ARL8B: variants seen among roughly 807,000 people sequenced by gnomAD.
ARL8B encodes the protein ADP-ribosylation factor-like protein 8B.
A neutral mutation model predicts 30.6 loss-of-function variants in ARL8B; 9 were observed. The ratio of observed to expected loss-of-function variants is 0.29; its 90% CI spans 0.18 to 0.51. The LOEUF (loss-of-function observed/expected upper bound fraction) is 0.51, where lower values mean the gene tolerates loss of function less well. ARL8B is among the 20% of genes least tolerant of loss of function. The pLI, the probability that ARL8B is intolerant of heterozygous loss-of-function variation, is 0.97. For synonymous variants in ARL8B, 74 were observed against 76.0 expected (o/e 0.97, Z 0.14); for missense variants, 130 against 227.2 (o/e 0.57, Z 2.75).
chr3:5,151,730 C>CT (rs56980080), intron 1 of ARL8B, among the ~76,000 whole-genome samples: 19,754 of 131,536 alleles, frequency 0.15, 1,531 homozygotes, highest in African/African-American at 0.17. Flanking sequence ...CACCCCCCCC[C>CT]TTGGAGATAG....
intron 1 of ARL8B, among the ~76,000 whole-genome samples, chr3:5,150,387 CA>C (rs1408979753): frequency 6.6e-6 from 1 of 150,968 alleles, no homozygotes; most frequent in Non-Finnish European, 1.5e-5. Context: ...TGCTTGAACC[CA>C]GGAGGCAGAG....
At chr3:5,142,910 C>A (rs553943599) in intron 1 of ARL8B, among the ~76,000 whole-genome samples, 2 of 152,176 alleles carry the variant, frequency 1.3e-5, no homozygotes, top group African/African-American at 4.8e-5. Flanking sequence ...AGTTATTTGG[C>A]AAGGAGCCCT....
rs1464910435 is a variant in ARL8B at position 5,172,627 on chromosome 3, G to A, written c.279-20G>A. 5.2e-6 allele frequency: 8 copies of A among 1,552,594 alleles called. No homozygotes were observed. The highest frequency in any genetic ancestry group is 6.2e-6 in the Non-Finnish European group (7 of 1,126,160). On this transcript the variant is annotated intron_variant, in intron 3 of 6. Coordinates refer to ENST00000256496, the MANE Select transcript of ARL8B (RefSeq NM_018184.3). ...AAGGCATACAGAGAAGGTATGTTGA[G>A]ATCACTTCATTTTTTTAAGTTACAT... is the stretch of plus-strand genomic sequence containing the variant.
At chr3:5,145,081 A>C (rs985222607) in intron 1 of ARL8B, among the ~76,000 whole-genome samples, 3 of 123,130 alleles carry the variant, frequency 2.4e-5, no homozygotes, top group South Asian at 2.3e-4. Flanking sequence ...CATAACCATT[A>C]TCTCTCTTTG....
intron 1 of ARL8B, among the ~76,000 whole-genome samples, chr3:5,153,441 G>T (rs1259267335): frequency 6.6e-6 from 1 of 152,016 alleles, no homozygotes; most frequent in Non-Finnish European, 1.5e-5. Context: ...AGAGTGACTT[G>T]CTCCTGCTTG....
intron 1 of ARL8B, among the ~76,000 whole-genome samples, chr3:5,137,233 G>A (rs2054334977): frequency 6.6e-6 from 1 of 151,996 alleles, no homozygotes; most frequent in African/African-American, 2.4e-5. Context: ...GACTGGCATA[G>A]AATGAGTACT....
chr3:5,163,470 A>G lies in ARL8B; in HGVS notation c.124-7033A>G, dbSNP rs2054598838. The stretch of plus-strand genomic sequence containing the variant: ...ATTATTGATCTTTGCAAAATTATTT[A>G]AGGATTGTCCATAGTGTTCTGAAAT... On this transcript the variant is annotated intron_variant, in intron 1 of 6. Transcript: ENST00000256496. Among the ~76,000 whole-genome samples, 3 of 152,234 alleles carry G rather than the reference A, an allele frequency of 2.0e-5. 1 individual carries two copies. The highest frequency in any genetic ancestry group is 4.1e-4 in the South Asian group (2 of 4,836).
At chr3:5,161,214 G>C (rs192881322) in intron 1 of ARL8B, among the ~76,000 whole-genome samples, 3 of 152,236 alleles carry the variant, frequency 2.0e-5, no homozygotes, top group African/African-American at 7.2e-5. Context: ...TTTACCACTA[G>C]TTATCTTGAA....
In ARL8B at chr3:5,170,764, C is replaced by T. The variant is rs193257546; in HGVS notation, c.204+181C>T. ...TTTTTTTTTTGGAAACAGAGTTTTG[C>T]TCTTTCACCCAGGCTGGAGTGCAGT... is the stretch of plus-strand genomic sequence containing the variant. On this transcript the variant is annotated intron_variant, in intron 2 of 6. Transcript: ENST00000256496. 2,127 of 502,126 alleles carry T rather than the reference C, an allele frequency of 4.2e-3. 8 individuals are homozygous for T. The highest frequency in any genetic ancestry group is 5.6e-3 in the Non-Finnish European group (1,578 of 284,084). 31.1% of individuals were successfully genotyped at this position (502,126 alleles called of 1,614,324 possible).
intron 1 of ARL8B, among the ~76,000 whole-genome samples, chr3:5,123,115 C>G (rs934690999): frequency 2.0e-5 from 3 of 152,168 alleles, no homozygotes; most frequent in African/African-American, 7.2e-5. Flanking sequence ...GGCCGCTGGT[C>G]CCATCTAATT....
intron 1 of ARL8B, among the ~76,000 whole-genome samples, chr3:5,160,310 A>C (rs1008317401): frequency 1.3e-5 from 2 of 152,246 alleles, no homozygotes; most frequent in African/African-American, 4.8e-5. Flanking sequence ...ACTCACTAGC[A>C]AACTAATCAC....
intron 1 of ARL8B, among the ~76,000 whole-genome samples, chr3:5,142,726 C>G (rs1027501965): frequency 6.6e-6 from 1 of 152,126 alleles, no homozygotes; most frequent in Admixed American, 6.6e-5. Context: ...GGAGTAGTTC[C>G]AGGCAAATGA....
chr3:5,154,297 T>G (rs1055531620), intron 1 of ARL8B, among the ~76,000 whole-genome samples: 2 of 152,112 alleles, frequency 1.3e-5, no homozygotes, highest in Non-Finnish European at 2.9e-5. Context: ...TTCACAGTTT[T>G]GTTCATTTTT....
chr3:5,139,052 T>G (rs1235644160), intron 1 of ARL8B, among the ~76,000 whole-genome samples: 2 of 152,212 alleles, frequency 1.3e-5, no homozygotes, highest in African/African-American at 4.8e-5. Context: ...CACTGTAGTT[T>G]AAAATGATTT....
chr3:5,174,044 C>G lies in ARL8B; in HGVS notation c.400C>G (p.Leu134Val), dbSNP rs761406964. ...PVLVLGNKRD[L>V]PNALDEKQLI... ...GCTAGTGCTTGGAAACAAGAGAGAT[C>G]TTCCTAATGCCTTGGATGAGAAACA... The change falls in exon 5 of 7, where the codon CTT becomes GTT. Residue 134 changes from leucine to valine, a missense_variant. Coordinates refer to ENST00000256496, the MANE Select transcript of ARL8B (RefSeq NM_018184.3). 3.1e-6 allele frequency: 5 copies of G among 1,612,728 alleles called. No individual in the cohort carries two copies.
chr3:5,157,334 C>T (rs1195404564), intron 1 of ARL8B, among the ~76,000 whole-genome samples: 5 of 152,280 alleles, frequency 3.3e-5, no homozygotes, highest in Admixed American at 6.5e-5. Context: ...TACTCCAGTT[C>T]GTTCCCTTCT....
intron 1 of ARL8B, chr3:5,128,436 C>G (rs982350573): frequency 6.6e-6 from 3 of 453,494 alleles, no homozygotes; most frequent in Non-Finnish European, 1.3e-5. Flanking sequence ...CATCCCCGCT[C>G]CAATTATTTG....
At chr3:5,163,409 G>A (rs1426390677) in intron 1 of ARL8B, among the ~76,000 whole-genome samples, 1 of 152,078 alleles carries the variant, frequency 6.6e-6, no homozygotes, top group African/African-American at 2.4e-5. Flanking sequence ...GTCTGTGGTT[G>A]GAAGTAAATC....
intron 1 of ARL8B, among the ~76,000 whole-genome samples, chr3:5,143,314 T>C (rs1029211107): frequency 5.9e-5 from 9 of 152,292 alleles, no homozygotes; most frequent in South Asian, 4.1e-4. Flanking sequence ...CTTTTTAGAT[T>C]TTTCTCAGAG....
Sources: gnomAD v4.1 joint callset for allele counts (sites outside exome capture counted in the v4.1 genomes callset) on GRCh38, gnomAD v4.1.1 for gene constraint, MANE v1.5 for transcripts, NCBI Gene and HGNC (gene_info 2026-07-23, HGNC 2026-07-21) for gene names.